Variants in P2RX5 observed in about 807,000 individuals in gnomAD.
P2RX5 encodes P2X purinoceptor 5.
Under a neutral mutation model 54.1 loss-of-function variants are expected in P2RX5, and 46 were observed. The ratio of observed to expected loss-of-function variants is 0.85; its 90% CI spans 0.67 to 1.09. The LOEUF (loss-of-function observed/expected upper bound fraction) is 1.09. P2RX5 is among the 50% of genes least tolerant of loss of function. P2RX5 has a pLI of 0.00. For missense variants in P2RX5, 566 were observed against 549.8 expected (o/e 1.03, Z -0.29); for synonymous variants, 226 against 226.4 (o/e 1.00, Z 0.02).
chr17:3,712,047 T>C, the P2RX5 span, among the ~76,000 whole-genome samples: 3 of 152,156 alleles, frequency 2.0e-5, no homozygotes, highest in African/African-American at 7.2e-5. Flanking sequence ...TGGGGTCTTA[T>C]TTGCAATTTT....
At chr17:3,677,971 A>G (rs1288197498) in intron 11 of P2RX5, 1 of 985,308 alleles carries the variant, frequency 1.0e-6, no homozygotes, top group East Asian at 1.1e-4. Context: ...CTGTGCCTGG[A>G]AGCCCCTGTC....
At chr17:3,716,610 G>A in the P2RX5 span, 8 of 845,980 alleles carry the variant, frequency 9.5e-6, no homozygotes, top group African/African-American at 3.4e-5. Flanking sequence ...TAAGTCAGAG[G>A]TTGGCTGTCC....
chr17:3,704,286 C>T, the P2RX5 span, among the ~76,000 whole-genome samples: 657 of 152,202 alleles, frequency 4.3e-3, 4 homozygotes, highest in African/African-American at 0.013. Context: ...AAGGTCATTC[C>T]GCGATAAGGG....
At chr17:3,676,439 G>C in intron 11 of P2RX5, 1 of 946,314 alleles carries the variant, frequency 1.1e-6, no homozygotes, top group Middle Eastern at 5.4e-4. Context: ...GCTTTTCACT[G>C]ACTATCCTTT....
At position 3,673,562 on chromosome 17, in the gene P2RX5, C is replaced by T. The variant is rs1057321518; in HGVS notation, c.*306G>A. ...CCTTAGCTGAGGTGCTCAAGGACTC[C>T]GGAAGGAAGTCATGTTCCCCATTTA... On this transcript the variant is annotated 3_prime_UTR_variant, in exon 12 of 12. Transcript: ENST00000225328. 12 of 1,350,404 alleles carry T rather than the reference C, an allele frequency of 8.9e-6. No individual in the cohort carries two copies. In the African/African-American group the frequency reaches 1.6e-4, roughly 18 times the overall value. The allele number at this position is 1,350,404 out of a possible 1,614,324, so 83.7% of individuals were successfully genotyped here. A position where few individuals can be genotyped will look rare whatever the true frequency, so the allele number is the denominator to read the frequency against.
chr17:3,723,797 T>A, the P2RX5 span: 1 of 1,593,670 alleles, frequency 6.3e-7, no homozygotes, highest in Non-Finnish European at 8.5e-7. Context: ...CCGCCAGTTT[T>A]CCGTCCCGTC....
At chr17:3,722,224 G>A in the P2RX5 span, among the ~76,000 whole-genome samples, 1 of 151,684 alleles carries the variant, frequency 6.6e-6, no homozygotes, top group Admixed American at 6.6e-5. Flanking sequence ...GCTCACGCCT[G>A]TAATCCCAGC....
intron 6 of P2RX5, 146 bp downstream of exon 6, chr17:3,689,922 ACG>A: frequency 1.2e-6 from 1 of 846,004 alleles, no homozygotes; most frequent in South Asian, 1.3e-5. Flanking sequence ...AGACACATGC[ACG>A]CGCACACACG....
At chr17:3,721,665 C>T in the P2RX5 span, 1 of 152,164 alleles carries the variant, frequency 6.6e-6, no homozygotes, top group African/African-American at 2.4e-5. Flanking sequence ...ACAAATGTCA[C>T]CTGGATCACT....
chr17:3,679,861 G>A (rs1260766628), intron 10 of P2RX5, 77 bp from the exon 11 acceptor site: 7 of 1,294,664 alleles, frequency 5.4e-6, no homozygotes, highest in Non-Finnish European at 7.7e-6. Flanking sequence ...AGTGGGCCTT[G>A]AAGAATCCCT....
intron 1 of P2RX5, among the ~76,000 whole-genome samples, chr17:3,695,668 G>A (rs1034523169): frequency 6.6e-6 from 1 of 152,092 alleles, no homozygotes; most frequent in African/African-American, 2.4e-5. Context: ...GCCAGTGGGG[G>A]AGTGGAGAGC....
chr17:3,716,889 C>G, the P2RX5 span: 524 of 726,706 alleles, frequency 7.2e-4, 2 homozygotes, highest in African/African-American at 6.3e-3. Flanking sequence ...AATACGAGGA[C>G]TTGGCAACAA....
chr17:3,721,567 C>G, the P2RX5 span: 1 of 152,410 alleles, frequency 6.6e-6, no homozygotes, highest in East Asian at 1.9e-4. Context: ...TGTGAGCCAC[C>G]ACACTCACAA....
the P2RX5 span, among the ~76,000 whole-genome samples, chr17:3,721,443 TG>T: frequency 4.0e-5 from 6 of 151,050 alleles, no homozygotes; most frequent in Non-Finnish European, 5.9e-5. Context: ...GGCTAATTTA[TG>T]TATTTATTTA....
chr17:3,696,163 C>T, upstream of P2RX5: 1 of 602,382 alleles, frequency 1.7e-6, no homozygotes, highest in Non-Finnish European at 2.4e-6. Context: ...GGCGCGGGGG[C>T]GGGTCGGGGC....
At chr17:3,722,018 A>G in the P2RX5 span, among the ~76,000 whole-genome samples, 1 of 152,102 alleles carries the variant, frequency 6.6e-6, no homozygotes, top group Non-Finnish European at 1.5e-5. Flanking sequence ...CATCTCTACT[A>G]AAAATACAAA....
intron 9 of P2RX5, among the ~76,000 whole-genome samples, chr17:3,685,146 A>G (rs1383121262): frequency 6.6e-6 from 1 of 152,076 alleles, no homozygotes; most frequent in Non-Finnish European, 1.5e-5. Flanking sequence ...CGCCCGGCCT[A>G]ATCCTGCCCT....
chr17:3,675,577 T>A (rs2050084697), intron 11 of P2RX5: 16 of 978,814 alleles, frequency 1.6e-5, no homozygotes, highest in Non-Finnish European at 1.8e-5. Context: ...TTTTTGAGAC[T>A]GAGTCTCACT....
At chr17:3,723,179 G>T in the P2RX5 span, 1 of 799,416 alleles carries the variant, frequency 1.3e-6, no homozygotes. Flanking sequence ...TGCACCAAAA[G>T]ATCTATTTTG....
Sources: allele counts gnomAD v4.1 joint callset (sites outside exome capture counted in the v4.1 genomes callset), GRCh38; gene constraint gnomAD v4.1.1; transcripts MANE v1.5; gene names NCBI Gene and HGNC (gene_info 2026-07-23, HGNC 2026-07-21).